The following GSK3B variants were observed in gnomAD, a reference collection of about 807,000 sequenced individuals.
GSK3B encodes the protein glycogen synthase kinase-3 beta.
In GSK3B, 15 loss-of-function variants were observed where a neutral mutation model predicts 56.4. That is an observed-to-expected ratio of 0.27 (90% CI 0.18 to 0.41). The LOEUF is 0.41. GSK3B is among the 10% of genes least tolerant of loss of function. The pLI is 1.00. For synonymous variants in GSK3B, 181 were observed against 188.9 expected, an observed-to-expected ratio of 0.96 and a Z score of 0.34; for missense variants, 300 against 513.4, an observed-to-expected ratio of 0.58 and a Z score of 4.02.
intron 2 of GSK3B, among the ~76,000 whole-genome samples, chr3:119,989,401 G>A (rs2057543334): frequency 6.6e-6 from 1 of 152,122 alleles, no homozygotes; most frequent in South Asian, 2.1e-4. Context: ...CCAGCATTTT[G>A]GGAGGCTGAG....
At chr3:120,007,924 C>T (rs2057743538) in intron 1 of GSK3B, among the ~76,000 whole-genome samples, 1 of 152,158 alleles carries the variant, frequency 6.6e-6, no homozygotes, top group Non-Finnish European at 1.5e-5. Flanking sequence ...CCAGGGCAAT[C>T]AGGCAAGAAA....
intron 7 of GSK3B, among the ~76,000 whole-genome samples, chr3:119,898,733 C>A (rs2056596146): frequency 1.3e-5 from 2 of 152,054 alleles, no homozygotes; most frequent in Admixed American, 6.6e-5. Flanking sequence ...TCCAAGACTC[C>A]CAGTGGATGC....
chr3:119,827,446 T>A (rs780023044), intron 10 of GSK3B, among the ~76,000 whole-genome samples: 1 of 151,868 alleles, frequency 6.6e-6, no homozygotes, highest in African/African-American at 2.4e-5. Context: ...AAAGAAAATG[T>A]GGTATATATA....
intron 2 of GSK3B, among the ~76,000 whole-genome samples, chr3:119,957,298 C>T (rs1287644225): frequency 6.6e-6 from 1 of 152,052 alleles, no homozygotes; most frequent in Non-Finnish European, 1.5e-5. Flanking sequence ...TTTATAGAAA[C>T]AATAAAAAGG....
At chr3:120,056,913 C>T (rs1017686502) in intron 1 of GSK3B, among the ~76,000 whole-genome samples, 1 of 152,130 alleles carries the variant, frequency 6.6e-6, no homozygotes, top group African/African-American at 2.4e-5. Flanking sequence ...GAGGCCGAGG[C>T]AGGCGGGTCA....
intron 10 of GSK3B, among the ~76,000 whole-genome samples, chr3:119,829,921 C>G (rs570629183): frequency 6.6e-6 from 1 of 152,220 alleles, no homozygotes; most frequent in Non-Finnish European, 1.5e-5. Context: ...TCTTTGATAT[C>G]GAAAGTCACA....
In GSK3B at chr3:120,033,682, T is replaced by C. The variant is rs1447028161; in HGVS notation, c.89-31443A>G. Among the ~76,000 whole-genome samples the C allele has an allele frequency of 2.0e-5, 3 of 152,202 alleles. No individual in the cohort carries two copies. In the East Asian group the frequency reaches 5.8e-4, roughly 29 times the overall value. On this transcript the variant is annotated intron_variant, in intron 1 of 10. Coordinates refer to ENST00000264235, the MANE Select transcript of GSK3B (RefSeq NM_001146156.2). ...GAGGAGGGGCCTGGTGGGAGTTGAATGAATCATGGGGACAGACTTCCCCCT... is the reference window on the plus strand; with the variant it reads ...GAGGAGGGGCCTGGTGGGAGTTGAACGAATCATGGGGACAGACTTCCCCCT...
intron 2 of GSK3B, among the ~76,000 whole-genome samples, chr3:119,973,194 C>T (rs2107517408): frequency 6.6e-6 from 1 of 152,274 alleles, no homozygotes; most frequent in Middle Eastern, 3.4e-3. Flanking sequence ...CTCTCCTTAC[C>T]CGCACTTTCG....
intron 2 of GSK3B, among the ~76,000 whole-genome samples, chr3:119,963,996 A>C (rs993099836): frequency 1.3e-5 from 2 of 152,238 alleles, no homozygotes; most frequent in Non-Finnish European, 2.9e-5. Flanking sequence ...AAAGCCAAAA[A>C]TAGACAAGTG....
intron 1 of GSK3B, among the ~76,000 whole-genome samples, chr3:120,015,650 A>C (rs1257528354): frequency 2.4e-4 from 4 of 16,450 alleles, no homozygotes; most frequent in African/African-American, 1.7e-3. Flanking sequence ...ACTCTGTCTC[A>C]AAAAAAAAAA....
intron 8 of GSK3B, among the ~76,000 whole-genome samples, chr3:119,869,452 C>T (rs900199586): frequency 6.6e-6 from 1 of 152,078 alleles, no homozygotes; most frequent in Non-Finnish European, 1.5e-5. Flanking sequence ...CTGAATTCAG[C>T]TCAAGTCTAC....
intron 1 of GSK3B, among the ~76,000 whole-genome samples, chr3:120,020,082 C>T (rs1031342238): frequency 2.0e-5 from 3 of 152,128 alleles, no homozygotes; most frequent in South Asian, 2.1e-4. Flanking sequence ...AGGAGATATG[C>T]CTAAAATATT....
At chr3:119,951,398 C>A (rs1255446412) in intron 2 of GSK3B, among the ~76,000 whole-genome samples, 2 of 152,134 alleles carry the variant, frequency 1.3e-5, no homozygotes, top group East Asian at 3.9e-4. Flanking sequence ...ATGGTGAAAC[C>A]CAGTCTCTAC....
At position 120,094,367 on chromosome 3, in the gene GSK3B, CCTTT is replaced by C. The variant is rs895464358; in HGVS notation, c.-937_-934del. The C allele has an allele frequency of 8.7e-5, 26 of 299,778 alleles. No homozygotes were observed. Among genetic ancestry groups the C allele is most frequent in the Non-Finnish European group, 1.2e-4 (19 of 160,622 alleles). The allele number at this position is 299,778 out of a possible 1,614,324, so 18.6% of individuals were successfully genotyped here. ...CCGGCTCCTCCTCGCTTCCTTCCTT[CCTTT>C]GTCACTTGGCCCGGGCGGCGGCGGC... On this transcript the variant is annotated 5_prime_UTR_variant, in exon 1 of 11. Coordinates refer to ENST00000264235, the MANE Select transcript of GSK3B (RefSeq NM_001146156.2).
At chr3:119,893,338 G>A (rs76433777) in intron 7 of GSK3B, among the ~76,000 whole-genome samples, 56 of 152,178 alleles carry the variant, frequency 3.7e-4, no homozygotes, top group African/African-American at 1.3e-3. Flanking sequence ...GGTAGCTAAA[G>A]TAATAAGCTC....
intron 7 of GSK3B, among the ~76,000 whole-genome samples, chr3:119,880,247 G>C (rs150899117): frequency 6.6e-6 from 1 of 152,220 alleles, no homozygotes; most frequent in African/African-American, 2.4e-5. Flanking sequence ...TCATATACCT[G>C]TTTGCCATCT....
At chr3:120,027,391 A>G (rs1263251389) in intron 1 of GSK3B, among the ~76,000 whole-genome samples, 1 of 152,076 alleles carries the variant, frequency 6.6e-6, no homozygotes, top group Non-Finnish European at 1.5e-5. Flanking sequence ...AAAAAAAAAA[A>G]AAAGCAGAGC....
At chr3:119,896,083 G>C (rs1170195923) in intron 7 of GSK3B, among the ~76,000 whole-genome samples, 4 of 148,230 alleles carry the variant, frequency 2.7e-5, no homozygotes, top group African/African-American at 1.0e-4. Context: ...AGCCATGATT[G>C]TACCACTGCA....
At chr3:119,947,474 A>T in intron 2 of GSK3B, 123 bp from the exon 3 acceptor site, 1 of 661,548 alleles carries the variant, frequency 1.5e-6, no homozygotes, top group Non-Finnish European at 2.6e-6. Context: ...GCTACTAAAA[A>T]GTGTGATCTG....
Sources: gnomAD v4.1 joint callset for allele counts (sites outside exome capture counted in the v4.1 genomes callset) on GRCh38, gnomAD v4.1.1 for gene constraint, MANE v1.5 for transcripts, NCBI Gene and HGNC (gene_info 2026-07-23, HGNC 2026-07-21) for gene names.